The following EXOC4 variants were observed in gnomAD, a reference collection of about 807,000 sequenced individuals.
EXOC4 encodes SEC8-like 1.
A neutral mutation model predicts 107.2 loss-of-function variants in EXOC4; 71 were observed. The ratio of observed to expected loss-of-function variants is 0.66; its 90% CI spans 0.55 to 0.81. EXOC4 has a LOEUF of 0.81. Among genes scored for constraint, EXOC4 ranks in the 30% least tolerant of loss-of-function variants. The pLI, the probability that EXOC4 is intolerant of heterozygous loss-of-function variation, is 0.00. For missense variants in EXOC4, 1,108 were observed against 1,189.6 expected, an observed-to-expected ratio of 0.93 and a Z score of 1.01; for synonymous variants, 456 against 441.2, an observed-to-expected ratio of 1.03 and a Z score of -0.42.
At chr7:133,809,548 A>G (rs1466742626) in intron 10 of EXOC4, among the ~76,000 whole-genome samples, 2 of 152,200 alleles carry the variant, frequency 1.3e-5, no homozygotes, top group Non-Finnish European at 2.9e-5. Context: ...TAGATTAGAA[A>G]ACATGTAAGA....
rs145052635 is a variant in EXOC4 at position 133,909,076 on chromosome 7, G to T, written c.1872-8507G>T. Among the ~76,000 whole-genome samples, 622 of 152,296 alleles carry T rather than the reference G, an allele frequency of 4.1e-3. 4 individuals are homozygous for T. The highest frequency in any genetic ancestry group is 0.01 in the Middle Eastern group (3 of 294). ...TTGTTCAACTCCCACTTATGAGTGA[G>T]AACATGCGGTGTGTGGTCCAGAAAG... On this transcript the variant is annotated intron_variant, in intron 12 of 17. Coordinates refer to ENST00000253861, the MANE Select transcript of EXOC4 (RefSeq NM_021807.4).
chr7:133,747,261 A>T (rs1257270265), intron 10 of EXOC4, among the ~76,000 whole-genome samples: 1 of 152,134 alleles, frequency 6.6e-6, no homozygotes, highest in Non-Finnish European at 1.5e-5. Context: ...CTCTATATTA[A>T]GATCTGTTGT....
At chr7:133,833,865 C>G (rs1281801764) in intron 11 of EXOC4, among the ~76,000 whole-genome samples, 1 of 152,162 alleles carries the variant, frequency 6.6e-6, no homozygotes, top group Non-Finnish European at 1.5e-5. Flanking sequence ...GTACCTGGCC[C>G]TTGCACAACT....
intron 10 of EXOC4, among the ~76,000 whole-genome samples, chr7:133,805,025 G>T (rs1193384976): frequency 1.3e-5 from 2 of 152,084 alleles, no homozygotes; most frequent in African/African-American, 2.4e-5. Flanking sequence ...TATTAACTGT[G>T]TCCACTGTAC....
chr7:133,911,535 A>G (rs1259444683), intron 12 of EXOC4, among the ~76,000 whole-genome samples: 2 of 152,214 alleles, frequency 1.3e-5, no homozygotes, highest in African/African-American at 4.8e-5. Context: ...ACTATTTTTT[A>G]ATAAAATGGG....
At chr7:133,473,670 G>A (rs1798936363) in intron 7 of EXOC4, among the ~76,000 whole-genome samples, 1 of 151,336 alleles carries the variant, frequency 6.6e-6, no homozygotes, top group Non-Finnish European at 1.5e-5. Flanking sequence ...TATAGGCGAA[G>A]TGAGTTTCTT....
chr7:133,908,362 G>A (rs1157194690), intron 12 of EXOC4, among the ~76,000 whole-genome samples: 1 of 152,254 alleles, frequency 6.6e-6, no homozygotes, highest in Admixed American at 6.5e-5. Context: ...AAAGGCCACA[G>A]AGCATAAAGT....
chr7:133,324,959 A>C (rs897648610), intron 5 of EXOC4, among the ~76,000 whole-genome samples: 8 of 152,204 alleles, frequency 5.3e-5, no homozygotes, highest in Non-Finnish European at 1.0e-4. Context: ...CTTTACCATT[A>C]TGTAATGGCC....
At chr7:133,932,041 G>T (rs191060714) in intron 13 of EXOC4, among the ~76,000 whole-genome samples, 2 of 152,298 alleles carry the variant, frequency 1.3e-5, no homozygotes, top group African/African-American at 4.8e-5. Context: ...ACTGACAGAA[G>T]AAACTATGCA....
chr7:134,022,715 T>C (rs924950421), intron 17 of EXOC4, among the ~76,000 whole-genome samples: 8 of 152,192 alleles, frequency 5.3e-5, no homozygotes, highest in African/African-American at 1.9e-4. Context: ...TTGGCAGCTG[T>C]TTTAACAGGG....
intron 1 of EXOC4, chr7:133,253,535 T>C: frequency 9.8e-7 from 1 of 1,019,820 alleles, no homozygotes; most frequent in Non-Finnish European, 1.2e-6. Flanking sequence ...ATTGTTTGCC[T>C]GTAGCAGCAC....
intron 9 of EXOC4, among the ~76,000 whole-genome samples, chr7:133,531,051 A>G (rs549182530): frequency 5.9e-5 from 9 of 152,162 alleles, no homozygotes; most frequent in Middle Eastern, 3.2e-3. Flanking sequence ...AATCATTAGT[A>G]TACATATACA....
At chr7:134,047,770 G>A (rs935293755) in intron 17 of EXOC4, among the ~76,000 whole-genome samples, 3 of 152,204 alleles carry the variant, frequency 2.0e-5, no homozygotes, top group African/African-American at 7.2e-5. Context: ...TTTGTCAAGA[G>A]TTTAAATGAG....
intron 12 of EXOC4, among the ~76,000 whole-genome samples, chr7:133,898,551 C>CTGGACCATCT (rs1199048504): frequency 6.6e-6 from 1 of 151,756 alleles, no homozygotes; most frequent in Admixed American, 6.6e-5. Context: ...CGAGACCATC[C>CTGGACCATCT]TGGTTAACAC....
intron 10 of EXOC4, among the ~76,000 whole-genome samples, chr7:133,803,616 T>C (rs1203059415): frequency 6.6e-6 from 1 of 152,184 alleles, no homozygotes; most frequent in Admixed American, 6.5e-5. Context: ...GCATATTGTA[T>C]CATTTTAATG....
intron 11 of EXOC4, among the ~76,000 whole-genome samples, chr7:133,884,620 T>TGTGTGTGTGCGC (rs942323507): frequency 7.0e-6 from 1 of 142,330 alleles, no homozygotes; most frequent in Non-Finnish European, 1.5e-5. Context: ...TGTGTGTGTG[T>TGTGTGTGTGCGC]GCGCGCGTGT....
In EXOC4 at chr7:133,996,945, CAT is replaced by C. The variant is rs199594139; in HGVS notation, c.2207-546_2207-545del. Among the ~76,000 whole-genome samples the C allele has an allele frequency of 1.3e-4, 20 of 152,252 alleles. No homozygotes were observed. The East Asian group carries it at 3.3e-3, about 25-fold the overall frequency. On this transcript the variant is annotated intron_variant, in intron 14 of 17. Coordinates refer to ENST00000253861, the MANE Select transcript of EXOC4 (RefSeq NM_021807.4). Reference sequence around the variant, plus strand: ...ATCTTCAATACTTGTAGTACTGACTCATGTGTGAAGGATTACAAAGTTAGGTA... The same window carrying C: ...ATCTTCAATACTTGTAGTACTGACTCGTGTGAAGGATTACAAAGTTAGGTA...
chr7:133,737,720 G>C lies in EXOC4; in HGVS notation c.1515-79605G>C, dbSNP rs146962032. On this transcript the variant is annotated intron_variant, in intron 10 of 17. Coordinates refer to ENST00000253861, the MANE Select transcript of EXOC4 (RefSeq NM_021807.4). ...TACATGACACAGAAGAGGTTTTTCA[G>C]GTTTGTTTTGTTTTTTAATTACCAT... Among the ~76,000 whole-genome samples the C allele has an allele frequency of 7.2e-5, 11 of 151,938 alleles. No homozygotes were observed. The East Asian group carries it at 1.9e-3, about 27-fold the overall frequency.
intron 6 of EXOC4, among the ~76,000 whole-genome samples, chr7:133,359,246 GAATT>G (rs1456319232): frequency 1.3e-5 from 2 of 152,110 alleles, no homozygotes; most frequent in African/African-American, 4.8e-5. Flanking sequence ...AACTTTCAAG[GAATT>G]AATTCTCTTG....
Sources: allele counts gnomAD v4.1 joint callset (sites outside exome capture counted in the v4.1 genomes callset), GRCh38; gene constraint gnomAD v4.1.1; transcripts MANE v1.5; gene names NCBI Gene and HGNC (gene_info 2026-07-23, HGNC 2026-07-21).